Variants in NYAP2 observed in about 807,000 individuals in gnomAD.
NYAP2 encodes the protein neuronal tyrosine-phosphorylated phosphoinositide-3-kinase adaptor 2.
In NYAP2, 23 loss-of-function variants were observed where a neutral mutation model predicts 50.4. The observed-to-expected ratio is 0.46, with a 90% CI of 0.33 to 0.65. NYAP2 has a LOEUF of 0.65. Among genes scored for constraint, NYAP2 ranks in the 30% least tolerant of loss-of-function variants. The pLI is 0.02. For missense variants in NYAP2, 885 were observed against 861.0 expected, an observed-to-expected ratio of 1.03 and a Z score of -0.35; for synonymous variants, 394 against 365.2, an observed-to-expected ratio of 1.08 and a Z score of -0.90.
At chr2:225,687,664 T>C in the NYAP2 span, among the ~76,000 whole-genome samples, 1 of 152,198 alleles carries the variant, frequency 6.6e-6, no homozygotes, top group African/African-American at 2.4e-5. Context: ...TATGTGTAAA[T>C]ATGCATAGAG....
chr2:225,556,735 G>A (rs2106213165), intron 4 of NYAP2, among the ~76,000 whole-genome samples: 1 of 152,182 alleles, frequency 6.6e-6, no homozygotes, highest in Non-Finnish European at 1.5e-5. Context: ...CTATGGTAGG[G>A]GAATCATGAA....
At chr2:225,610,909 T>C (rs1243936786) in intron 5 of NYAP2, among the ~76,000 whole-genome samples, 1 of 152,202 alleles carries the variant, frequency 6.6e-6, no homozygotes, top group Non-Finnish European at 1.5e-5. Context: ...CCAAGCCTTT[T>C]CAAAAGTTAT....
intron 4 of NYAP2, among the ~76,000 whole-genome samples, chr2:225,545,783 T>C (rs1207495619): frequency 6.6e-6 from 1 of 152,112 alleles, no homozygotes. Flanking sequence ...TGAAGAGTTA[T>C]GTATTTATTG....
chr2:225,684,717 A>C, the NYAP2 span, among the ~76,000 whole-genome samples: 1 of 151,858 alleles, frequency 6.6e-6, no homozygotes, highest in African/African-American at 2.4e-5. Context: ...TGCCCAGATA[A>C]TTTTTGTACT....
In NYAP2 at chr2:225,458,904, A is replaced by G. The variant is rs889566456; in HGVS notation, c.221+49803A>G. ...CCATGGACAGACAGAGAGTGTGGAC[A>G]GTGGTCTCGTTCTTAAACATGAATC... On this transcript the variant is annotated intron_variant, in intron 3 of 6. Transcript: ENST00000636099. Among the ~76,000 whole-genome samples the G allele has an allele frequency of 3.9e-5, 6 of 152,356 alleles. No homozygotes were observed. The East Asian group carries it at 1.2e-3, about 29-fold the overall frequency.
At chr2:225,620,489 A>G (rs531817517) in intron 5 of NYAP2, among the ~76,000 whole-genome samples, 1 of 151,384 alleles carries the variant, frequency 6.6e-6, no homozygotes, top group South Asian at 2.1e-4. Flanking sequence ...GCACGCACGC[A>G]CACACACGCA....
At chr2:225,443,489 C>T (rs1046124008) in intron 3 of NYAP2, among the ~76,000 whole-genome samples, 1 of 152,190 alleles carries the variant, frequency 6.6e-6, no homozygotes, top group African/African-American at 2.4e-5. Flanking sequence ...AACCAAGATC[C>T]TTTTACACAT....
the NYAP2 span, among the ~76,000 whole-genome samples, chr2:225,686,715 T>C: frequency 1.3e-5 from 2 of 152,058 alleles, no homozygotes; most frequent in African/African-American, 4.8e-5. Flanking sequence ...GTTCTACCAG[T>C]GAGTAAGCTA....
chr2:225,400,782 C>T (rs1307536635), exon 2 of NYAP2: 2 of 152,364 alleles, frequency 1.3e-5, no homozygotes, highest in African/African-American at 2.4e-5. Flanking sequence ...TCCTAGCAAA[C>T]TTTAAAGGCC....
At chr2:225,662,446 A>G in the NYAP2 span, among the ~76,000 whole-genome samples, 1 of 152,372 alleles carries the variant, frequency 6.6e-6, no homozygotes, top group East Asian at 1.9e-4. Context: ...TGTAGATTTA[A>G]CCAACAACAC....
intron 5 of NYAP2, among the ~76,000 whole-genome samples, chr2:225,588,338 T>C (rs1052647230): frequency 6.6e-6 from 1 of 151,970 alleles, no homozygotes; most frequent in Admixed American, 6.6e-5. Context: ...TGCCTTTTCA[T>C]TGACCTTCTT....
chr2:225,477,675 ATG>A (rs1043196860), intron 3 of NYAP2, among the ~76,000 whole-genome samples: 16 of 152,280 alleles, frequency 1.1e-4, no homozygotes, highest in Admixed American at 6.5e-4. Flanking sequence ...CTCACTGCAT[ATG>A]TGTGTGTGCA....
chr2:225,680,027 A>G, the NYAP2 span, among the ~76,000 whole-genome samples: 1 of 152,242 alleles, frequency 6.6e-6, no homozygotes, highest in African/African-American at 2.4e-5. Flanking sequence ...GAGATAATCT[A>G]TGAGATAGAT....
At chr2:225,416,058 A>C (rs1304434271) in intron 3 of NYAP2, among the ~76,000 whole-genome samples, 1 of 152,148 alleles carries the variant, frequency 6.6e-6, no homozygotes, top group African/African-American at 2.4e-5. Context: ...ATAACGGGTG[A>C]GATTAAACAG....
exon 7 of NYAP2, chr2:225,651,895 C>T: frequency 4.8e-6 from 1 of 209,326 alleles, no homozygotes; most frequent in South Asian, 1.2e-4. Flanking sequence ...TACTTTTATA[C>T]TGTCTCTGAA....
chr2:225,456,399 G>T (rs898632173), intron 3 of NYAP2, among the ~76,000 whole-genome samples: 14 of 152,194 alleles, frequency 9.2e-5, no homozygotes. Flanking sequence ...TTGAATCTCT[G>T]TCTCTGCCTT....
intron 3 of NYAP2, among the ~76,000 whole-genome samples, chr2:225,480,672 A>G (rs1350220877): frequency 6.6e-6 from 1 of 152,168 alleles, no homozygotes; most frequent in Non-Finnish European, 1.5e-5. Context: ...AAAATAAAAT[A>G]AATGGTCAAA....
At chr2:225,599,335 G>C (rs1310201845) in intron 5 of NYAP2, among the ~76,000 whole-genome samples, 1 of 152,190 alleles carries the variant, frequency 6.6e-6, no homozygotes, top group African/African-American at 2.4e-5. Flanking sequence ...ACCAGAATAT[G>C]ATCTTCAGAT....
the NYAP2 span, among the ~76,000 whole-genome samples, chr2:225,663,242 G>A: frequency 1.8e-4 from 27 of 151,676 alleles, no homozygotes; most frequent in Admixed American, 2.6e-4. Flanking sequence ...AACAAGTCTC[G>A]CAAGATGACT....
Sources: allele counts gnomAD v4.1 joint callset (sites outside exome capture counted in the v4.1 genomes callset), GRCh38; gene constraint gnomAD v4.1.1; transcripts MANE v1.5; gene names NCBI Gene and HGNC (gene_info 2026-07-23, HGNC 2026-07-21).